GPC6: variants seen among roughly 807,000 people sequenced by gnomAD.
GPC6 encodes glypican-6.
GPC6 carries 14 observed loss-of-function variants against 55.2 expected under a neutral mutation model. That is an observed-to-expected ratio of 0.25 (90% CI 0.17 to 0.40). The LOEUF is 0.40. Ranked by LOEUF, GPC6 falls within the 10% of genes least tolerant of loss-of-function variation. The pLI, the probability that GPC6 is intolerant of heterozygous loss-of-function variation, is 1.00. For synonymous variants in GPC6, 278 were observed against 259.6 expected (o/e 1.07, Z -0.68); for missense variants, 641 against 708.5 (o/e 0.90, Z 1.08).
chr13:93,425,055 A>C (rs990676897), intron 1 of GPC6, among the ~76,000 whole-genome samples: 2 of 152,206 alleles, frequency 1.3e-5, no homozygotes, highest in Non-Finnish European at 2.9e-5. Flanking sequence ...AGGGCAAATG[A>C]AATACTTACT....
intron 4 of GPC6, among the ~76,000 whole-genome samples, chr13:94,220,597 T>C (rs1042894906): frequency 3.3e-5 from 5 of 152,110 alleles, no homozygotes; most frequent in African/African-American, 4.8e-5. Flanking sequence ...CAGAAACTTA[T>C]TGTCTCATAG....
intron 4 of GPC6, among the ~76,000 whole-genome samples, chr13:94,157,857 G>A (rs1206578271): frequency 6.6e-6 from 1 of 152,128 alleles, no homozygotes; most frequent in Non-Finnish European, 1.5e-5. Context: ...TGAAAGAGGT[G>A]TGAAAGAAGT....
chr13:94,088,236 G>C (rs1447279240), intron 4 of GPC6, among the ~76,000 whole-genome samples: 1 of 152,132 alleles, frequency 6.6e-6, no homozygotes, highest in African/African-American at 2.4e-5. Flanking sequence ...GACAATGAAA[G>C]ATAATTGACT....
At chr13:94,007,033 G>T (rs375838917) in intron 3 of GPC6, among the ~76,000 whole-genome samples, 1 of 152,040 alleles carries the variant, frequency 6.6e-6, no homozygotes, top group Non-Finnish European at 1.5e-5. Flanking sequence ...GTTTCTCTGC[G>T]TAACTTACAA....
chr13:94,387,594 C>T (rs1413570422), intron 7 of GPC6, among the ~76,000 whole-genome samples: 1 of 152,122 alleles, frequency 6.6e-6, no homozygotes, highest in Non-Finnish European at 1.5e-5. Flanking sequence ...CTGTTTGTGT[C>T]CCCCGAAAAT....
chr13:93,514,865 A>G (rs1180139273), intron 1 of GPC6, among the ~76,000 whole-genome samples: 1 of 152,180 alleles, frequency 6.6e-6, no homozygotes, highest in Non-Finnish European at 1.5e-5. Context: ...AACAAACAAA[A>G]CAAACAAACA....
chr13:93,693,959 A>C (rs1477975426), intron 2 of GPC6, among the ~76,000 whole-genome samples: 6 of 152,188 alleles, frequency 3.9e-5, no homozygotes, highest in Non-Finnish European at 7.4e-5. Flanking sequence ...AATTCACTGT[A>C]TTTAAGTATG....
intron 1 of GPC6, among the ~76,000 whole-genome samples, chr13:93,406,849 C>T (rs1876310396): frequency 6.6e-6 from 1 of 151,844 alleles, no homozygotes. Flanking sequence ...AAACAGCTAA[C>T]CTGAAATATT....
chr13:93,970,220 G>T (rs1197371606), intron 3 of GPC6, among the ~76,000 whole-genome samples: 8 of 152,154 alleles, frequency 5.3e-5, no homozygotes, highest in Admixed American at 5.2e-4. Context: ...GGGCTATTTT[G>T]TAGTCTGTAT....
rs1250272140 is a variant in GPC6 at position 94,405,842 on chromosome 13, G to GT, written c.*2630dup. ...AATATCATTCAAGTTGTACTTCCTA[G>GT]TTTTTATCATCATACTACTATGTCA... On this transcript the variant is annotated 3_prime_UTR_variant, in exon 9 of 9. Transcript: ENST00000377047. 2 of 152,022 alleles carry GT rather than the reference G, an allele frequency of 1.3e-5. No homozygotes were observed. The highest frequency in any genetic ancestry group is 4.8e-5 in the African/African-American group (2 of 41,392). The allele number at this position is 152,022 out of a possible 1,614,324, so 9.4% of individuals were successfully genotyped here. A position where few individuals can be genotyped will look rare whatever the true frequency, so the allele number is the denominator to read the frequency against.
intron 1 of GPC6, among the ~76,000 whole-genome samples, chr13:93,337,126 A>T (rs1880073706): frequency 6.6e-6 from 1 of 152,204 alleles, no homozygotes; most frequent in Non-Finnish European, 1.5e-5. Flanking sequence ...AAAATTCTTC[A>T]ATTAAAAACT....
chr13:94,401,093 A>C (rs1881111245), intron 8 of GPC6, among the ~76,000 whole-genome samples: 1 of 152,180 alleles, frequency 6.6e-6, no homozygotes, highest in African/African-American at 2.4e-5. Flanking sequence ...TCCAAGGTCA[A>C]TATTGTCATC....
chr13:94,132,842 C>A (rs1887048310), intron 4 of GPC6, among the ~76,000 whole-genome samples: 1 of 152,038 alleles, frequency 6.6e-6, no homozygotes, highest in South Asian at 2.1e-4. Context: ...GGATAGACTT[C>A]CTAAAGTTAA....
chr13:94,269,401 T>C (rs551569778), intron 4 of GPC6, among the ~76,000 whole-genome samples: 2 of 152,332 alleles, frequency 1.3e-5, no homozygotes, highest in East Asian at 3.9e-4. Flanking sequence ...TGTCTTCCTA[T>C]TCGTTCTTGA....
At chr13:93,934,301 G>A (rs1045159876) in intron 3 of GPC6, among the ~76,000 whole-genome samples, 1 of 152,082 alleles carries the variant, frequency 6.6e-6, no homozygotes, top group Admixed American at 6.6e-5. Context: ...TGAAGACTTA[G>A]TATGGAAAAA....
chr13:93,753,715 C>T (rs1399837653), intron 2 of GPC6, among the ~76,000 whole-genome samples: 1 of 152,078 alleles, frequency 6.6e-6, no homozygotes, highest in Non-Finnish European at 1.5e-5. Context: ...AACCTTCCCC[C>T]AACCCCTCCA....
At chr13:94,228,092 G>GCTC (rs1288450819) in intron 4 of GPC6, among the ~76,000 whole-genome samples, 3 of 152,180 alleles carry the variant, frequency 2.0e-5, no homozygotes, top group Non-Finnish European at 4.4e-5. Context: ...CGTGGGACAA[G>GCTC]ATTGCCAAAA....
intron 3 of GPC6, among the ~76,000 whole-genome samples, chr13:93,843,312 G>A (rs1888027453): frequency 6.6e-6 from 1 of 152,064 alleles, no homozygotes; most frequent in Admixed American, 6.6e-5. Context: ...GTACATGGGA[G>A]CTCCGTAGCT....
intron 4 of GPC6, among the ~76,000 whole-genome samples, chr13:94,160,617 A>C (rs1189130261): frequency 6.6e-6 from 1 of 152,230 alleles, no homozygotes; most frequent in Non-Finnish European, 1.5e-5. Context: ...TTAGATACAT[A>C]ATTAACTTTC....
Sources: gnomAD v4.1 joint callset for allele counts (sites outside exome capture counted in the v4.1 genomes callset) on GRCh38, gnomAD v4.1.1 for gene constraint, MANE v1.5 for transcripts, NCBI Gene and HGNC (gene_info 2026-07-23, HGNC 2026-07-21) for gene names.